KRAS: variants seen among roughly 807,000 people sequenced by gnomAD.
KRAS encodes the protein GTPase KRas.
KRAS carries 1 observed loss-of-function variant against 21.0 expected under a neutral mutation model. The observed-to-expected ratio is 0.05, with a 90% confidence interval of 0.02 to 0.23. The LOEUF is 0.23. KRAS is among the 10% of genes least tolerant of loss of function. The pLI is 1.00. For missense variants in KRAS, 107 were observed against 221.8 expected (o/e 0.48, Z 3.29); for synonymous variants, 67 against 72.5 (o/e 0.92, Z 0.39).
chr12:25,249,119 G>A (rs1229378478), intron 1 of KRAS, among the ~76,000 whole-genome samples: 2 of 152,046 alleles, frequency 1.3e-5, no homozygotes, highest in Admixed American at 6.6e-5. Flanking sequence ...ATTTAAGAAG[G>A]CTTAGACTTC....
At chr12:25,216,552 C>A (rs1951258266) in intron 4 of KRAS, among the ~76,000 whole-genome samples, 1 of 152,078 alleles carries the variant, frequency 6.6e-6, no homozygotes, top group Admixed American at 6.5e-5. Flanking sequence ...GGGATTACAG[C>A]CATGAGCCAC....
At chr12:25,231,985 C>T (rs1234655145) in intron 2 of KRAS, among the ~76,000 whole-genome samples, 1 of 151,694 alleles carries the variant, frequency 6.6e-6, no homozygotes. Flanking sequence ...GGTATACACA[C>T]GGCATTGGTT....
intron 2 of KRAS, among the ~76,000 whole-genome samples, chr12:25,244,850 T>C (rs1352163093): frequency 6.6e-6 from 1 of 152,092 alleles, no homozygotes; most frequent in African/African-American, 2.4e-5. Context: ...GATAGGAAAA[T>C]ACTGCTGATG....
chr12:25,245,182 T>G (rs1951662152), intron 2 of KRAS, 92 bp downstream of exon 2: 1 of 1,309,706 alleles, frequency 7.6e-7, no homozygotes, highest in Admixed American at 2.0e-5. Flanking sequence ...AATTATCTTG[T>G]AATAAGTACT....
rs1951689398 is a variant in KRAS, at chr12:25,246,850, G to GAGC, written c.-11-1458_-11-1456dup. ...AAGAATGGCGTGAACCCAGGAGGCGGAGCTTGCAGTGAGCCGAGATCACGC... is the reference window on the plus strand; with the variant it reads ...AAGAATGGCGTGAACCCAGGAGGCGGAGCAGCTTGCAGTGAGCCGAGATCACGC... On this transcript the variant is annotated intron_variant, in intron 1 of 4. Transcript: ENST00000311936. 4.6e-5 allele frequency among the ~76,000 whole-genome samples: 7 copies of GAGC among 151,682 alleles called. No homozygotes were observed. The South Asian group carries it at 1.5e-3, about 32-fold the overall frequency.
chr12:25,223,810 T>A (rs1565883380), intron 4 of KRAS, among the ~76,000 whole-genome samples: 1 of 152,084 alleles, frequency 6.6e-6, no homozygotes, highest in Non-Finnish European at 1.5e-5. Context: ...GTTCAGCAAT[T>A]TTTTTTAACT....
At chr12:25,214,712 A>C (rs1196818294) in intron 4 of KRAS, among the ~76,000 whole-genome samples, 1 of 152,168 alleles carries the variant, frequency 6.6e-6, no homozygotes, top group African/African-American at 2.4e-5. Context: ...TTTAAAGTGT[A>C]TCTCTCCGGT....
rs776608612 is a variant in KRAS, at chr12:25,209,755, C to T, written c.*40G>A. On this transcript the variant is annotated 3_prime_UTR_variant, in exon 5 of 5. Transcript: ENST00000311936. The stretch of plus-strand genomic sequence containing the variant: ...TTAGTGTAATGTACAAAAATTACCA[C>T]TTGTACTAGTATGCCTTAAGAAAAA... 6.3e-7 allele frequency: 1 copy of T among 1,598,332 alleles called. No homozygotes were observed. Among genetic ancestry groups the T allele is most frequent in the Non-Finnish European group, 8.5e-7 (1 of 1,171,270 alleles).
chr12:25,209,922 TAA>T lies in KRAS; in HGVS notation c.451-13_451-12del. The T allele has an allele frequency of 6.3e-7, 1 of 1,591,900 alleles. No homozygotes were observed. The highest frequency in any genetic ancestry group is 8.6e-7 in the Non-Finnish European group (1 of 1,164,374). ...GGCATCATCAACACCCTGAAATACA[TAA>T]AAAGTATTAAAATGTGAATATATAC... On this transcript the variant is annotated splice_polypyrimidine_tract_variant and intron_variant, in intron 4 of 4. Coordinates refer to ENST00000311936, the MANE Select transcript of KRAS (RefSeq NM_004985.5).
chr12:25,222,018 G>A (rs949138505), intron 4 of KRAS, among the ~76,000 whole-genome samples: 15 of 151,704 alleles, frequency 9.9e-5, no homozygotes, highest in Admixed American at 4.6e-4. Context: ...GCATGGTGGC[G>A]GGTGCCTGTA....
Position 25,218,945 on chromosome 12 carries a change from GTTT to G in KRAS, c.450+6666_450+6668del, listed in dbSNP as rs71065925. Among the ~76,000 whole-genome samples the G allele has an allele frequency of 5.5e-5, 8 of 144,552 alleles. 1 individual carries two copies. The highest frequency in any genetic ancestry group is 4.0e-4 in the East Asian group (2 of 4,976). The allele number at this position is 144,552 out of a possible 152,430, so 94.8% of individuals were successfully genotyped here. A position where few individuals can be genotyped will look rare whatever the true frequency, so the allele number is the denominator to read the frequency against. ...TTTTTTTTTAACTTTTTCTTTTTTT[GTTT>G]TTTTTTTTTGAGATGGAGTCTCGCT... On this transcript the variant is annotated intron_variant, in intron 4 of 4. Transcript: ENST00000311936.
intron 4 of KRAS, among the ~76,000 whole-genome samples, chr12:25,220,961 G>T (rs1200856247): frequency 6.8e-6 from 1 of 146,714 alleles, no homozygotes; most frequent in African/African-American, 2.5e-5. Context: ...GGAGGAGGAG[G>T]TTGCAATCAG....
At chr12:25,232,001 A>ACC (rs61761156) in intron 2 of KRAS, among the ~76,000 whole-genome samples, 10 of 151,776 alleles carry the variant, frequency 6.6e-5, no homozygotes, top group East Asian at 1.9e-4. Context: ...TGGTTCCAAG[A>ACC]CCCCCCCAGC....
In KRAS at chr12:25,207,206, G is replaced by C. The variant is rs1951148149; in HGVS notation, c.*2589C>G. 1 of 208,914 alleles carries C rather than the reference G, an allele frequency of 4.8e-6. No individual in the cohort carries two copies. Among genetic ancestry groups the C allele is most frequent in the South Asian group, 1.9e-4 (1 of 5,318 alleles). The allele number at this position is 208,914 out of a possible 1,614,324, so 12.9% of individuals were successfully genotyped here. ...TACCATATACCCAGTGCCTTGTGTGGTGACTGGCATCTGGTAGGCACTCAA... is the reference window on the plus strand; with the variant it reads ...TACCATATACCCAGTGCCTTGTGTGCTGACTGGCATCTGGTAGGCACTCAA... On this transcript the variant is annotated 3_prime_UTR_variant, in exon 5 of 5. Transcript: ENST00000311936.
chr12:25,223,381 G>A (rs928062135), intron 4 of KRAS, among the ~76,000 whole-genome samples: 8 of 152,088 alleles, frequency 5.3e-5, no homozygotes, highest in African/African-American at 1.9e-4. Flanking sequence ...CCTAAGAAAA[G>A]TCAAGGAGAC....
intron 4 of KRAS, chr12:25,225,208 C>T (rs1343423371): frequency 1.3e-5 from 2 of 150,504 alleles, no homozygotes; most frequent in African/African-American, 4.9e-5. Context: ...AATACAACAA[C>T]GTTTAACCTA....
At chr12:25,213,182 C>A (rs1951216662) in intron 4 of KRAS, among the ~76,000 whole-genome samples, 1 of 152,240 alleles carries the variant, frequency 6.6e-6, no homozygotes, top group Non-Finnish European at 1.5e-5. Context: ...TCACATCAAA[C>A]AATTGTGACA....
chr12:25,223,129 T>C (rs906378533), intron 4 of KRAS, among the ~76,000 whole-genome samples: 1 of 152,188 alleles, frequency 6.6e-6, no homozygotes, highest in East Asian at 1.9e-4. Context: ...TAAAACATTA[T>C]GCAAAGTCTC....
intron 1 of KRAS, 108 bp from the exon 2 acceptor site, chr12:25,245,503 T>C (rs1292960574): frequency 2.7e-6 from 3 of 1,111,806 alleles, no homozygotes; most frequent in East Asian, 2.6e-5. Flanking sequence ...CTCACCTTTA[T>C]ATGAAAAATT....
Sources: allele counts gnomAD v4.1 joint callset (sites outside exome capture counted in the v4.1 genomes callset), GRCh38; gene constraint gnomAD v4.1.1; transcripts MANE v1.5; gene names NCBI Gene and HGNC (gene_info 2026-07-23, HGNC 2026-07-21).